Variants in MORC1 observed in about 807,000 individuals in gnomAD.
The protein encoded by MORC1 is MORC family CW-type zinc finger protein 1.
Under a neutral mutation model 134.9 loss-of-function variants are expected in MORC1, and 59 were observed. The ratio of observed to expected loss-of-function variants is 0.44; its 90% CI spans 0.35 to 0.54. The LOEUF is 0.54. MORC1 is among the 20% of genes least tolerant of loss of function. The pLI is 0.00. For synonymous variants in MORC1, 395 were observed against 391.7 expected, an observed-to-expected ratio of 1.01 and a Z score of -0.10; for missense variants, 947 against 1,134.5, an observed-to-expected ratio of 0.83 and a Z score of 2.37.
chr3:109,089,560 C>A (rs906243718), intron 8 of MORC1, among the ~76,000 whole-genome samples: 1 of 151,968 alleles, frequency 6.6e-6, no homozygotes, highest in African/African-American at 2.4e-5. Context: ...TAAAAGCCAC[C>A]AATAAGATAG....
chr3:109,082,816 T>C (rs950070229), intron 8 of MORC1, among the ~76,000 whole-genome samples: 2 of 152,046 alleles, frequency 1.3e-5, no homozygotes, highest in Non-Finnish European at 2.9e-5. Flanking sequence ...TAAGAATTAC[T>C]GGTGTTCAAG....
At chr3:109,032,465 G>A (rs1194634526) in intron 16 of MORC1, among the ~76,000 whole-genome samples, 1 of 152,106 alleles carries the variant, frequency 6.6e-6, no homozygotes, top group Non-Finnish European at 1.5e-5. Flanking sequence ...ACCAGGTTGT[G>A]GTCTCCCATG....
At chr3:108,960,757 TTAGGCATACACCTTA>T (rs754126490) in intron 27 of MORC1, among the ~76,000 whole-genome samples, 2 of 152,106 alleles carry the variant, frequency 1.3e-5, no homozygotes, top group Non-Finnish European at 1.5e-5. Flanking sequence ...CAGGAAATCA[TTAGGCATACACCTTA>T]TAGTCCTGAT....
intron 16 of MORC1, among the ~76,000 whole-genome samples, chr3:109,029,021 G>A (rs1009369707): frequency 3.9e-5 from 6 of 152,126 alleles, no homozygotes; most frequent in East Asian, 1.9e-4. Flanking sequence ...GCTGAGGATC[G>A]AGAGAGGACT....
intron 6 of MORC1, among the ~76,000 whole-genome samples, chr3:109,096,427 CT>C (rs1950832887): frequency 6.6e-6 from 1 of 152,166 alleles, no homozygotes; most frequent in African/African-American, 2.4e-5. Flanking sequence ...ATGGTGACCT[CT>C]GGTCATCCTC....
At chr3:108,978,033 C>G (rs893439730) in intron 24 of MORC1, among the ~76,000 whole-genome samples, 6 of 152,092 alleles carry the variant, frequency 3.9e-5, no homozygotes, top group Non-Finnish European at 8.8e-5. Context: ...GCCTGCCACC[C>G]TGACTGGCTA....
At chr3:109,066,134 T>G (rs181920444) in intron 9 of MORC1, among the ~76,000 whole-genome samples, 2 of 152,110 alleles carry the variant, frequency 1.3e-5, no homozygotes, top group East Asian at 1.9e-4. Flanking sequence ...AATATACCCA[T>G]GTAAAAAACC....
rs772904951 is a variant in MORC1, at chr3:108,984,849, G to C, written c.2258-67C>G. The C allele has an allele frequency of 5.8e-5, 76 of 1,303,916 alleles. 1 individual carries two copies. The Admixed American group carries it at 8.5e-4, about 15-fold the overall frequency. 80.8% of individuals were successfully genotyped at this position (1,303,916 alleles called of 1,614,324 possible). ...CACAATAAACTGAACCAAAAGAAATGTTAGCAGTTCATTAACTACCTCTGT... is the reference window on the plus strand; with the variant it reads ...CACAATAAACTGAACCAAAAGAAATCTTAGCAGTTCATTAACTACCTCTGT... On this transcript the variant is annotated intron_variant, in intron 22 of 27. Coordinates refer to ENST00000232603, the MANE Select transcript of MORC1 (RefSeq NM_014429.4).
rs1466705030 is a variant in MORC1 at position 109,056,322 on chromosome 3, G to T, written c.1175+1021C>A. Among the ~76,000 whole-genome samples, 3 of 152,100 alleles carry T rather than the reference G, an allele frequency of 2.0e-5. No homozygotes were observed. In the East Asian group the frequency reaches 5.8e-4, roughly 29 times the overall value. Reference sequence around the variant, plus strand: ...GGCTCACTGCAAGCTCTGCCTCCCGGGTTCATGCCATTCTCCTGCCTCAGC... The same window carrying T: ...GGCTCACTGCAAGCTCTGCCTCCCGTGTTCATGCCATTCTCCTGCCTCAGC... On this transcript the variant is annotated intron_variant, in intron 13 of 27. Transcript: ENST00000232603.
At chr3:109,031,699 A>G (rs1013686232) in intron 16 of MORC1, among the ~76,000 whole-genome samples, 3 of 152,174 alleles carry the variant, frequency 2.0e-5, no homozygotes, top group African/African-American at 4.8e-5. Context: ...TTTTATAATC[A>G]CGGTCCCTGG....
chr3:108,984,717 T>C lies in MORC1; in HGVS notation c.2323A>G (p.Ser775Gly), dbSNP rs1441729530. 2 of 1,600,566 alleles carry C rather than the reference T, an allele frequency of 1.2e-6. No homozygotes were observed. Among genetic ancestry groups the C allele is most frequent in the African/African-American group, 1.3e-5 (1 of 74,560 alleles). ...TTTGTATAACTGTAGTACACTCACC[T>C]TTTCCAGCTAGGTAATGAAGAGCTT... The part of the protein sequence containing the change: ...KRSSSLPSWK[S>G]LLNVPMEDVN... Residue 775 changes from serine to glycine, a missense_variant and splice_region_variant, in exon 23 of 28, where the codon AGC becomes GGC. Around this residue, in one of 3 missense-constraint regions of MORC1, gnomAD observed 722 missense variants for 817.0 expected, o/e 0.88. Transcript: ENST00000232603.
chr3:109,046,909 G>A (rs1233922811), intron 14 of MORC1, among the ~76,000 whole-genome samples: 1 of 152,022 alleles, frequency 6.6e-6, no homozygotes, highest in Non-Finnish European at 1.5e-5. Context: ...TTTCTTCAAA[G>A]ATGCATTGTG....
chr3:108,964,320 A>G (rs1184715921), intron 26 of MORC1, among the ~76,000 whole-genome samples: 5 of 152,222 alleles, frequency 3.3e-5, no homozygotes, highest in Non-Finnish European at 7.3e-5. Flanking sequence ...CTAGAAGGCC[A>G]AGAGATATTC....
intron 3 of MORC1, among the ~76,000 whole-genome samples, chr3:109,109,382 T>G (rs1951113369): frequency 6.6e-6 from 1 of 152,216 alleles, no homozygotes; most frequent in African/African-American, 2.4e-5. Context: ...CAACAAATTA[T>G]TACTGAATAA....
chr3:108,982,087 G>A (rs922412798), intron 23 of MORC1, among the ~76,000 whole-genome samples: 3 of 152,196 alleles, frequency 2.0e-5, no homozygotes, highest in Admixed American at 1.3e-4. Context: ...CAAAAAGTGG[G>A]TGAAGGATAT....
chr3:108,973,996 G>A (rs977702849), intron 24 of MORC1, among the ~76,000 whole-genome samples: 1 of 151,998 alleles, frequency 6.6e-6, no homozygotes, highest in Non-Finnish European at 1.5e-5. Context: ...TTTGATTGAG[G>A]AATTATTCCT....
intron 6 of MORC1, among the ~76,000 whole-genome samples, chr3:109,095,379 C>T (rs368762196): frequency 1.3e-5 from 2 of 152,236 alleles, no homozygotes; most frequent in South Asian, 2.1e-4. Flanking sequence ...TGACAGCACA[C>T]GCAAGAAAAG....
chr3:109,088,895 G>A (rs1044351855), intron 8 of MORC1, among the ~76,000 whole-genome samples: 1 of 152,074 alleles, frequency 6.6e-6, no homozygotes, highest in Non-Finnish European at 1.5e-5. Flanking sequence ...ATAAAAGAAC[G>A]AGATCATGTC....
chr3:109,069,904 A>G, intron 8 of MORC1, 147 bp from the exon 9 acceptor site: 1 of 774,486 alleles, frequency 1.3e-6, no homozygotes, highest in Non-Finnish European at 1.9e-6. Context: ...CACCACAAAC[A>G]CCAGCAAATA....
Sources: gnomAD v4.1 joint callset for allele counts (sites outside exome capture counted in the v4.1 genomes callset) on GRCh38, gnomAD v4.1.1 for gene constraint, gnomAD v4.1.1 regional missense constraint, MANE v1.5 for transcripts, NCBI Gene and HGNC (gene_info 2026-07-23, HGNC 2026-07-21) for gene names.